The following FNDC3A variants were observed in gnomAD, a reference collection of about 807,000 sequenced individuals.
FNDC3A encodes fibronectin type III domain containing 3A.
FNDC3A carries 32 observed loss-of-function variants against 148.9 expected under a neutral mutation model. The observed-to-expected ratio is 0.21, with a 90% CI of 0.16 to 0.29. The LOEUF is 0.29. Ranked by LOEUF, FNDC3A falls within the 10% of genes least tolerant of loss-of-function variation. The pLI is 1.00. For missense variants in FNDC3A, 1,191 were observed against 1,452.8 expected (o/e 0.82, Z 2.93); for synonymous variants, 472 against 473.6 (o/e 1.00, Z 0.04).
At chr13:49,019,048 T>A (rs61950725) in intron 2 of FNDC3A, among the ~76,000 whole-genome samples, 4,446 of 152,302 alleles carry the variant, frequency 0.029, 117 homozygotes, top group East Asian at 0.15. Context: ...GTTACTGCTG[T>A]CTTTTTGTTT....
intron 17 of FNDC3A, 56 bp from the exon 18 acceptor site, chr13:49,190,959 A>G: frequency 1.7e-6 from 2 of 1,158,240 alleles, no homozygotes; most frequent in Non-Finnish European, 2.5e-6. Context: ...ACCAAAAGCA[A>G]TCTGATTATT....
At chr13:49,139,502 A>T (rs1203834289) in intron 7 of FNDC3A, among the ~76,000 whole-genome samples, 1 of 152,204 alleles carries the variant, frequency 6.6e-6, no homozygotes. Context: ...AAAAGTTATT[A>T]TTCTTAGTAC....
At chr13:49,047,148 T>G (rs1372921947) in intron 2 of FNDC3A, among the ~76,000 whole-genome samples, 1 of 137,084 alleles carries the variant, frequency 7.3e-6, no homozygotes, top group African/African-American at 3.0e-5. Flanking sequence ...GTGCCATTAT[T>G]TTTTTTTTTT....
intron 1 of FNDC3A, among the ~76,000 whole-genome samples, chr13:48,986,465 G>A (rs984466093): frequency 8.3e-6 from 1 of 121,130 alleles, no homozygotes; most frequent in East Asian, 2.7e-4. Flanking sequence ...GCGTGATCTC[G>A]GCTCACTGCA....
intron 2 of FNDC3A, among the ~76,000 whole-genome samples, chr13:49,008,952 A>G (rs932551430): frequency 1.5e-5 from 2 of 130,330 alleles, no homozygotes; most frequent in South Asian, 4.7e-4. Context: ...AGTGTGATAT[A>G]TTTGTTACAA....
intron 1 of FNDC3A, among the ~76,000 whole-genome samples, chr13:49,000,771 G>A (rs912719745): frequency 3.9e-5 from 6 of 152,108 alleles, no homozygotes; most frequent in African/African-American, 1.4e-4. Context: ...AGTTTTCAGT[G>A]TATGGCTTTC....
intron 1 of FNDC3A, among the ~76,000 whole-genome samples, chr13:48,990,264 T>G (rs1281826083): frequency 6.6e-6 from 1 of 151,926 alleles, no homozygotes; most frequent in Non-Finnish European, 1.5e-5. Context: ...CTGAAATAAT[T>G]TATCACTTTC....
At position 49,136,447 on chromosome 13, in the gene FNDC3A, C is replaced by G. The variant is rs374005060; in HGVS notation, c.606C>G (p.Ser202Arg). The G allele has an allele frequency of 1.9e-6, 3 of 1,613,924 alleles. No individual in the cohort carries two copies. The highest frequency in any genetic ancestry group is 2.5e-6 in the Non-Finnish European group (3 of 1,179,994). ...DRQGTQKDKM[S>R]SPPSSPQKCP... ...AAGGAACACAGAAAGATAAAATGAG[C>G]AGTCCACCATCATCACCCCAGAAAT... The change falls in exon 6 of 26, where the codon AGC becomes AGG. Residue 202 changes from serine (S) to arginine (R), a missense_variant. This residue lies in a region of FNDC3A where 426 missense variants were observed against 473.2 expected (regional missense o/e 0.90). Coordinates refer to ENST00000492622, the MANE Select transcript of FNDC3A (RefSeq NM_001079673.2).
chr13:49,160,055 T>A (rs1883992994), intron 8 of FNDC3A, among the ~76,000 whole-genome samples: 1 of 152,232 alleles, frequency 6.6e-6, no homozygotes, highest in African/African-American at 2.4e-5. Context: ...TCGATGTTCA[T>A]CAGGGATATT....
intron 2 of FNDC3A, among the ~76,000 whole-genome samples, chr13:49,031,543 C>T (rs1874120700): frequency 6.6e-6 from 1 of 152,034 alleles, no homozygotes; most frequent in Non-Finnish European, 1.5e-5. Flanking sequence ...AAAGAATGGT[C>T]ATTTCAACAA....
At chr13:49,003,036 T>C (rs576203913) in intron 1 of FNDC3A, among the ~76,000 whole-genome samples, 1 of 152,290 alleles carries the variant, frequency 6.6e-6, no homozygotes, top group African/African-American at 2.4e-5. Flanking sequence ...TCATTACCAC[T>C]TGATATTGTC....
chr13:49,033,803 ATGTAGGTG>A (rs1222515594), intron 2 of FNDC3A, among the ~76,000 whole-genome samples: 2 of 151,956 alleles, frequency 1.3e-5, no homozygotes, highest in African/African-American at 4.8e-5. Flanking sequence ...CTGTTTTTTA[ATGTAGGTG>A]CTGATAGAGT....
At chr13:49,040,151 G>GC (rs1178904958) in intron 2 of FNDC3A, among the ~76,000 whole-genome samples, 1 of 152,156 alleles carries the variant, frequency 6.6e-6, no homozygotes, top group Non-Finnish European at 1.5e-5. Flanking sequence ...TTTGGTAGTA[G>GC]CCGCCTTACC....
intron 2 of FNDC3A, among the ~76,000 whole-genome samples, chr13:49,008,297 T>A (rs1055853532): frequency 3.3e-5 from 5 of 152,088 alleles, no homozygotes; most frequent in African/African-American, 1.2e-4. Flanking sequence ...ACAAAGCAGA[T>A]AATAATTAGA....
intron 14 of FNDC3A, among the ~76,000 whole-genome samples, chr13:49,185,085 AAG>A (rs1469289426): frequency 3.3e-5 from 5 of 151,842 alleles, no homozygotes; most frequent in Non-Finnish European, 5.9e-5. Flanking sequence ...GGGAGAGAAA[AAG>A]AGGGGCAGGT....
At chr13:49,117,401 A>G in intron 4 of FNDC3A, among the ~76,000 whole-genome samples, 1 of 152,140 alleles carries the variant, frequency 6.6e-6, no homozygotes. Context: ...TGTTTCCTTA[A>G]TGCTGTTATC....
intron 3 of FNDC3A, among the ~76,000 whole-genome samples, chr13:49,079,116 G>T (rs1446609666): frequency 1.3e-5 from 2 of 152,202 alleles, no homozygotes; most frequent in African/African-American, 2.4e-5. Context: ...TACTTTATTG[G>T]AGGCTCAGAT....
chr13:49,109,121 C>T (rs1197906525), intron 3 of FNDC3A, among the ~76,000 whole-genome samples: 1 of 152,190 alleles, frequency 6.6e-6, no homozygotes, highest in Non-Finnish European at 1.5e-5. Flanking sequence ...ATGCTCACTT[C>T]ACTTGTTAGG....
At chr13:49,042,801 T>C (rs1423307944) in intron 2 of FNDC3A, among the ~76,000 whole-genome samples, 6 of 152,134 alleles carry the variant, frequency 3.9e-5, no homozygotes, top group Non-Finnish European at 8.8e-5. Flanking sequence ...GTTGTAAGTA[T>C]TTAGAGGTCT....
Sources: allele counts gnomAD v4.1 joint callset (sites outside exome capture counted in the v4.1 genomes callset), GRCh38; gene constraint gnomAD v4.1.1; regional missense constraint gnomAD v4.1.1; transcripts MANE v1.5; gene names NCBI Gene and HGNC (gene_info 2026-07-23, HGNC 2026-07-21).